RALGPS2: variants seen among roughly 807,000 people sequenced by gnomAD.
RALGPS2 encodes ras-specific guanine nucleotide-releasing factor RalGPS2.
RALGPS2 carries 43 observed loss-of-function variants against 86.8 expected under a neutral mutation model. The observed-to-expected ratio is 0.50, with a 90% CI of 0.39 to 0.64. RALGPS2 has a LOEUF of 0.64. RALGPS2 is among the 30% of genes least tolerant of loss of function. The probability of loss-of-function intolerance (pLI) is 0.00; values close to 1 mark genes in which losing one functional copy is unlikely to be tolerated. For missense variants in RALGPS2, 536 were observed against 694.6 expected, an observed-to-expected ratio of 0.77 and a Z score of 2.57; for synonymous variants, 243 against 231.3, an observed-to-expected ratio of 1.05 and a Z score of -0.46.
chr1:178,883,751 C>T (rs1485849872), intron 11 of RALGPS2, among the ~76,000 whole-genome samples: 2 of 151,972 alleles, frequency 1.3e-5, no homozygotes, highest in Non-Finnish European at 1.5e-5. Flanking sequence ...TTTGGGAGGC[C>T]GAGGCGGGCG....
intron 6 of RALGPS2, among the ~76,000 whole-genome samples, chr1:178,821,289 T>A (rs1205547290): frequency 6.6e-6 from 1 of 152,210 alleles, no homozygotes; most frequent in African/African-American, 2.4e-5. Context: ...TAAGGGAGAC[T>A]GTTTACTAGA....
At chr1:178,808,278 T>C (rs554595671) in intron 5 of RALGPS2, 150 bp downstream of exon 5, 98 of 622,268 alleles carry the variant, frequency 1.6e-4, no homozygotes, top group Middle Eastern at 8.9e-4. Flanking sequence ...TCTCTTTTTT[T>C]CTCTGTAACT....
chr1:178,902,277 T>C, intron 18 of RALGPS2, 66 bp downstream of exon 18: 1 of 1,231,212 alleles, frequency 8.1e-7, no homozygotes, highest in Non-Finnish European at 1.2e-6. Flanking sequence ...TATGTATGTA[T>C]GTGTGTGTGT....
At chr1:178,809,752 C>T (rs1353551567) in intron 5 of RALGPS2, among the ~76,000 whole-genome samples, 2 of 151,904 alleles carry the variant, frequency 1.3e-5, no homozygotes, top group Admixed American at 6.6e-5. Context: ...TACATAGTAG[C>T]TTAGGGCTCT....
intron 4 of RALGPS2, among the ~76,000 whole-genome samples, chr1:178,802,529 C>T (rs142918611): frequency 3.3e-5 from 5 of 152,204 alleles, no homozygotes; most frequent in African/African-American, 1.2e-4. Context: ...TGTGATAATA[C>T]AATTTACTGG....
At chr1:178,813,139 G>A (rs1315058983) in intron 6 of RALGPS2, among the ~76,000 whole-genome samples, 1 of 151,720 alleles carries the variant, frequency 6.6e-6, no homozygotes, top group East Asian at 1.9e-4. Context: ...CACCATGTTG[G>A]GCCAGGCTGG....
intron 2 of RALGPS2, among the ~76,000 whole-genome samples, chr1:178,778,236 C>T (rs1426328173): frequency 6.4e-5 from 4 of 62,556 alleles, no homozygotes; most frequent in Non-Finnish European, 1.1e-4. Flanking sequence ...GGGCGAAGGA[C>T]ATGAACAGAC....
At chr1:178,857,789 G>C (rs574881674) in intron 8 of RALGPS2, among the ~76,000 whole-genome samples, 2 of 152,160 alleles carry the variant, frequency 1.3e-5, no homozygotes, top group South Asian at 4.2e-4. Flanking sequence ...CTTTTATTAG[G>C]TTATTTGCTT....
chr1:178,865,852 T>A, intron 8 of RALGPS2: 1 of 1,128,072 alleles, frequency 8.9e-7, no homozygotes, highest in Non-Finnish European at 1.3e-6. Flanking sequence ...GAATTCATAT[T>A]AATCTATGTT....
intron 1 of RALGPS2, among the ~76,000 whole-genome samples, chr1:178,736,484 T>A (rs1204215562): frequency 6.6e-6 from 1 of 152,190 alleles, no homozygotes; most frequent in Non-Finnish European, 1.5e-5. Context: ...TTTAAACGTT[T>A]TCAATGAAAG....
At chr1:178,761,167 G>A (rs1049238118) in intron 1 of RALGPS2, among the ~76,000 whole-genome samples, 3 of 151,932 alleles carry the variant, frequency 2.0e-5, no homozygotes, top group African/African-American at 7.3e-5. Flanking sequence ...TAGAGACAGG[G>A]TTTCGGCCAC....
intron 1 of RALGPS2, among the ~76,000 whole-genome samples, chr1:178,750,951 C>T (rs1023681124): frequency 1.3e-5 from 2 of 152,062 alleles, no homozygotes; most frequent in East Asian, 1.9e-4. Flanking sequence ...TGTTCATGTA[C>T]ACAGTATTCA....
At chr1:178,881,168 C>A (rs1337561683) in intron 10 of RALGPS2, among the ~76,000 whole-genome samples, 1 of 152,056 alleles carries the variant, frequency 6.6e-6, no homozygotes, top group African/African-American at 2.4e-5. Context: ...CAAACAGAAC[C>A]ATAATAAAGA....
intron 1 of RALGPS2, among the ~76,000 whole-genome samples, chr1:178,748,838 G>A (rs1316595970): frequency 1.7e-4 from 22 of 131,384 alleles, no homozygotes; most frequent in Non-Finnish European, 3.1e-4. Flanking sequence ...GTGACAGAGT[G>A]AGACTCTGTC....
chr1:178,888,661 A>ACCATAC (rs1659592003), intron 13 of RALGPS2, among the ~76,000 whole-genome samples: 2 of 152,204 alleles, frequency 1.3e-5, no homozygotes, highest in Non-Finnish European at 2.9e-5. Flanking sequence ...GTTCTTCTGA[A>ACCATAC]CCATACAATA....
intron 7 of RALGPS2, among the ~76,000 whole-genome samples, chr1:178,831,891 T>C (rs1656039057): frequency 6.6e-6 from 1 of 152,174 alleles, no homozygotes; most frequent in African/African-American, 2.4e-5. Flanking sequence ...ATTGATTTAT[T>C]ATGAAAATTA....
chr1:178,734,781 G>T (rs892490268), intron 1 of RALGPS2, among the ~76,000 whole-genome samples: 1 of 151,842 alleles, frequency 6.6e-6, no homozygotes, highest in Admixed American at 6.6e-5. Flanking sequence ...ATAGGGAGAG[G>T]GAGAGAAAAA....
intron 17 of RALGPS2, among the ~76,000 whole-genome samples, chr1:178,900,574 C>T (rs1660129937): frequency 6.6e-6 from 1 of 151,784 alleles, no homozygotes. Context: ...TGAACAAGTG[C>T]ACAAAGATTA....
At chr1:178,905,303 C>A (rs1423007245) in intron 18 of RALGPS2, among the ~76,000 whole-genome samples, 1 of 152,092 alleles carries the variant, frequency 6.6e-6, no homozygotes, top group African/African-American at 2.4e-5. Flanking sequence ...TCTTTGTTTT[C>A]TTCAGTTTCT....
Sources: gnomAD v4.1 joint callset for allele counts (sites outside exome capture counted in the v4.1 genomes callset) on GRCh38, gnomAD v4.1.1 for gene constraint, MANE v1.5 for transcripts, NCBI Gene and HGNC (gene_info 2026-07-23, HGNC 2026-07-21) for gene names.